The following NPAS3 variants were observed in gnomAD, a reference collection of about 807,000 sequenced individuals.
NPAS3 encodes the protein neuronal PAS domain-containing protein 3.
NPAS3 carries 14 observed loss-of-function variants against 73.1 expected under a neutral mutation model. The observed-to-expected ratio is 0.19, with a 90% CI of 0.13 to 0.30. The LOEUF (loss-of-function observed/expected upper bound fraction) is 0.30, where lower values mean the gene tolerates loss of function less well. Ranked by LOEUF, NPAS3 falls within the 10% of genes least tolerant of loss-of-function variation. The pLI, the probability that NPAS3 is intolerant of heterozygous loss-of-function variation, is 1.00. For synonymous variants in NPAS3, 620 were observed against 541.5 expected (o/e 1.14, Z -2.01); for missense variants, 1,096 against 1,250.0 (o/e 0.88, Z 1.86).
At chr14:33,111,970 T>A (rs531632812) in intron 2 of NPAS3, among the ~76,000 whole-genome samples, 1 of 152,256 alleles carries the variant, frequency 6.6e-6, no homozygotes, top group East Asian at 1.9e-4. Context: ...GTTTCCAGCT[T>A]CATCCATGTC....
At chr14:33,580,361 T>C (rs917340909) in intron 5 of NPAS3, among the ~76,000 whole-genome samples, 1 of 152,216 alleles carries the variant, frequency 6.6e-6, no homozygotes, top group Non-Finnish European at 1.5e-5. Flanking sequence ...TTGTTTGCTA[T>C]GAACCTAATC....
intron 6 of NPAS3, among the ~76,000 whole-genome samples, 167 bp downstream of exon 6, chr14:33,676,552 A>G (rs1258182834): frequency 1.3e-5 from 2 of 152,250 alleles, no homozygotes; most frequent in Non-Finnish European, 2.9e-5. Flanking sequence ...ATCTGAAAAT[A>G]AGGAGACATT....
chr14:33,182,911 C>G (rs1215596745), intron 2 of NPAS3, among the ~76,000 whole-genome samples: 2 of 152,212 alleles, frequency 1.3e-5, no homozygotes, highest in Non-Finnish European at 2.9e-5. Context: ...CTCTCATGCT[C>G]TGCCTTCAGG....
intron 5 of NPAS3, among the ~76,000 whole-genome samples, chr14:33,663,911 C>T (rs964094841): frequency 6.6e-6 from 1 of 151,488 alleles, no homozygotes; most frequent in Non-Finnish European, 1.5e-5. Flanking sequence ...TTTATTGTGT[C>T]TATTTGATTC....
At chr14:33,333,087 A>C (rs2044059515) in intron 3 of NPAS3, among the ~76,000 whole-genome samples, 1 of 152,250 alleles carries the variant, frequency 6.6e-6, no homozygotes, top group Non-Finnish European at 1.5e-5. Context: ...CTGGTTGAAG[A>C]CAGAAAACAG....
intron 2 of NPAS3, among the ~76,000 whole-genome samples, chr14:33,072,919 T>C (rs895412081): frequency 6.7e-6 from 1 of 149,034 alleles, no homozygotes; most frequent in African/African-American, 2.6e-5. Flanking sequence ...AAGAAAAATA[T>C]ACATATATAT....
intron 4 of NPAS3, among the ~76,000 whole-genome samples, chr14:33,442,012 G>T (rs1325633733): frequency 2.0e-5 from 3 of 152,094 alleles, no homozygotes; most frequent in Non-Finnish European, 2.9e-5. Flanking sequence ...AACCATATCA[G>T]CTCTCTTCTA....
chr14:33,199,744 T>C (rs2046542786), intron 2 of NPAS3, among the ~76,000 whole-genome samples: 1 of 141,932 alleles, frequency 7.0e-6, no homozygotes, highest in East Asian at 2.4e-4. Flanking sequence ...TTCCCTCCCT[T>C]CCTCCCCTCC....
intron 2 of NPAS3, among the ~76,000 whole-genome samples, chr14:33,171,132 C>T (rs918540725): frequency 3.3e-5 from 5 of 152,200 alleles, no homozygotes; most frequent in African/African-American, 1.2e-4. Flanking sequence ...TGTTAATCTC[C>T]TTGTACATCT....
chr14:33,759,636 G>C (rs2062220414), intron 7 of NPAS3, among the ~76,000 whole-genome samples: 1 of 152,200 alleles, frequency 6.6e-6, no homozygotes, highest in South Asian at 2.1e-4. Context: ...AATGTTTTAA[G>C]AAAGTATAGG....
intron 2 of NPAS3, among the ~76,000 whole-genome samples, chr14:33,119,760 A>T (rs1277885237): frequency 9.9e-5 from 15 of 151,988 alleles, no homozygotes; most frequent in Admixed American, 9.8e-4. Flanking sequence ...TTCACGCCCT[A>T]CTCCCGCATT....
chr14:32,954,716 A>G (rs2139170483), intron 1 of NPAS3, among the ~76,000 whole-genome samples: 1 of 152,166 alleles, frequency 6.6e-6, no homozygotes, highest in South Asian at 2.1e-4. Context: ...CCTCCCATAG[A>G]CATTGTCGGT....
intron 4 of NPAS3, among the ~76,000 whole-genome samples, chr14:33,381,753 C>T (rs949765935): frequency 6.6e-6 from 1 of 152,202 alleles, no homozygotes; most frequent in Non-Finnish European, 1.5e-5. Context: ...AACAAGAGGA[C>T]ATGCGCTTTT....
rs551091846 is a variant in NPAS3, at chr14:33,672,719, A to G, written c.559-3492A>G. The stretch of plus-strand genomic sequence containing the variant: ...TAAGAGAGAAAAAAAAAAAAAAATC[A>G]GACAAGGGTTTAGTGGGAAAAGTGG... On this transcript the variant is annotated intron_variant, in intron 5 of 11. Transcript: ENST00000356141. 2.0e-5 allele frequency among the ~76,000 whole-genome samples: 3 copies of G among 151,788 alleles called. No individual in the cohort carries two copies. The East Asian group carries it at 5.8e-4, about 29-fold the overall frequency.
intron 6 of NPAS3, among the ~76,000 whole-genome samples, chr14:33,734,977 A>G (rs371536169): frequency 6.6e-6 from 1 of 152,178 alleles, no homozygotes; most frequent in African/African-American, 2.4e-5. Context: ...GCTGGAAGTA[A>G]AAAGGCCTGA....
intron 2 of NPAS3, among the ~76,000 whole-genome samples, chr14:33,211,187 C>A (rs2047021091): frequency 6.6e-6 from 1 of 152,098 alleles, no homozygotes; most frequent in Admixed American, 6.6e-5. Flanking sequence ...AAAAGTGAGG[C>A]AATAGAAGTC....
At chr14:33,312,099 C>T (rs1354686721) in intron 3 of NPAS3, among the ~76,000 whole-genome samples, 1 of 152,044 alleles carries the variant, frequency 6.6e-6, no homozygotes, top group Non-Finnish European at 1.5e-5. Flanking sequence ...GCTCTGGTCA[C>T]ATTATAACGT....
intron 5 of NPAS3, among the ~76,000 whole-genome samples, chr14:33,639,608 A>T (rs909861873): frequency 1.3e-5 from 2 of 152,120 alleles, no homozygotes; most frequent in Non-Finnish European, 2.9e-5. Flanking sequence ...TCAGGTACAT[A>T]AGAGCCAATG....
In NPAS3 at chr14:33,288,695, G is replaced by C. The variant is rs373462870; in HGVS notation, c.385+73269G>C. Reference sequence around the variant, plus strand: ...GCAGAATGCGGGGGAAGAGTTTTTGGGGCTACTTGTTGGTTACATGTGTGT... The same window carrying C: ...GCAGAATGCGGGGGAAGAGTTTTTGCGGCTACTTGTTGGTTACATGTGTGT... On this transcript the variant is annotated intron_variant, in intron 3 of 11. Transcript: ENST00000356141. Among the ~76,000 whole-genome samples the C allele has an allele frequency of 3.3e-5, 5 of 151,800 alleles. No individual in the cohort carries two copies. The East Asian group carries it at 7.8e-4, about 24-fold the overall frequency.
Sources: gnomAD v4.1 joint callset for allele counts (sites outside exome capture counted in the v4.1 genomes callset) on GRCh38, gnomAD v4.1.1 for gene constraint, MANE v1.5 for transcripts, NCBI Gene and HGNC (gene_info 2026-07-23, HGNC 2026-07-21) for gene names.